Variants in TBC1D20 observed in about 807,000 individuals in gnomAD.
TBC1D20 encodes the protein TBC1 domain family member 20.
A neutral mutation model predicts 41.6 loss-of-function variants in TBC1D20; 12 were observed. The observed-to-expected ratio is 0.29, with a 90% confidence interval of 0.18 to 0.47. The LOEUF (loss-of-function observed/expected upper bound fraction) is 0.47. TBC1D20 is among the 20% of genes least tolerant of loss of function. TBC1D20 has a pLI of 1.00. For synonymous variants in TBC1D20, 205 were observed against 204.8 expected (o/e 1.00, Z -0.01); for missense variants, 421 against 517.4 (o/e 0.81, Z 1.81).
At position 461,931 on chromosome 20, in the gene TBC1D20, A is replaced by G. The variant is rs565865096; in HGVS notation, c.70+405T>C. Among the ~76,000 whole-genome samples the G allele has an allele frequency of 3.5e-3, 537 of 152,350 alleles. 1 individual carries two copies. Among genetic ancestry groups the G allele is most frequent in the African/African-American group, 0.012 (485 of 41,592 alleles). On this transcript the variant is annotated intron_variant, in intron 1 of 7. Transcript: ENST00000354200. ...CAATCAAGCCGGCGACGGTGAATGC[A>G]GTTCGGGAGAGCTGATACCCCTCGG...
chr20:458,938 C>T (rs1353744765), intron 1 of TBC1D20, among the ~76,000 whole-genome samples: 1 of 152,172 alleles, frequency 6.6e-6, no homozygotes, highest in African/African-American at 2.4e-5. Context: ...TCCTCAACCC[C>T]ACAGCCTAGT....
At position 437,623 on chromosome 20, in the gene TBC1D20, G is replaced by C. The variant is rs6052008; in HGVS notation, c.*963C>G. On this transcript the variant is annotated 3_prime_UTR_variant, in exon 8 of 8. Coordinates refer to ENST00000354200, the MANE Select transcript of TBC1D20 (RefSeq NM_144628.4). The stretch of plus-strand genomic sequence containing the variant: ...CCTATTTGGGAGTAGGATGATTTGA[G>C]GAAAACAGGAAGAAAAACCGGTCAG... 0.043 allele frequency: 6,625 copies of C among 152,856 alleles called. 153 individuals carry two copies. Among genetic ancestry groups the C allele is most frequent in the South Asian group, 0.07 (336 of 4,816 alleles). The allele number at this position is 152,856 out of a possible 1,614,324, so 9.5% of individuals were successfully genotyped here.
rs1293900796 is a variant in TBC1D20, at chr20:441,982, G to A, written c.399C>T (p.Ile133=). 3 of 1,613,990 alleles carry A rather than the reference G, an allele frequency of 1.9e-6. No individual in the cohort carries two copies. The highest frequency in any genetic ancestry group is 2.5e-6 in the Non-Finnish European group (3 of 1,180,028). The change falls in exon 4 of 8, where the codon ATC becomes ATT. Residue 133 remains isoleucine (I), a synonymous_variant. Coordinates refer to ENST00000354200, the MANE Select transcript of TBC1D20 (RefSeq NM_144628.4). ...AGTGCAGCTGAGGGTTGCGCTCCAAGATGAGGAGGATGATGTCAATCAGTT... is the reference window on the plus strand; with the variant it reads ...AGTGCAGCTGAGGGTTGCGCTCCAAAATGAGGAGGATGATGTCAATCAGTT... ...QEELIDIILL[I]LERNPQLHYY...
chr20:457,285 C>G (rs552446867), intron 1 of TBC1D20, among the ~76,000 whole-genome samples: 1 of 152,192 alleles, frequency 6.6e-6, no homozygotes, highest in Non-Finnish European at 1.5e-5. Flanking sequence ...CACTCTGTTG[C>G]CTTGGCTGGA....
rs1198052752 is a variant in TBC1D20, at chr20:453,539, C to CTTTTTTTTTTTTTTTT, written c.71-5466_71-5465insAAAAAAAAAAAAAAAA. Among the ~76,000 whole-genome samples the CTTTTTTTTTTTTTTTT allele has an allele frequency of 6.4e-5, 7 of 109,726 alleles. 3 individuals carry two copies. Among genetic ancestry groups the CTTTTTTTTTTTTTTTT allele is most frequent in the Non-Finnish European group, 8.6e-5 (5 of 58,062 alleles). The allele number at this position is 109,726 out of a possible 152,430, so 72.0% of individuals were successfully genotyped here. On this transcript the variant is annotated intron_variant, in intron 1 of 7. Coordinates refer to ENST00000354200, the MANE Select transcript of TBC1D20 (RefSeq NM_144628.4). The stretch of plus-strand genomic sequence containing the variant: ...ACGGTGGCTCGTGCCTGTAATCCAG[C>CTTTTTTTTTTTTTTTT]ATTTTTTTTTTTTTTTTTTTTTTTG...
At position 439,303 on chromosome 20, in the gene TBC1D20, G is replaced by A. The variant is rs753641235; in HGVS notation, c.769-8C>T. On this transcript the variant is annotated splice_polypyrimidine_tract_variant and splice_region_variant and intron_variant, in intron 6 of 7. Coordinates refer to ENST00000354200, the MANE Select transcript of TBC1D20 (RefSeq NM_144628.4). The surrounding 1 kb of genome is among the most constrained non-coding windows in gnomAD (Gnocchi z 4.6). ...CTCGCGATACAACACAATCTGTGGG[G>A]AGGTAGTAAAGCCTTGCAGTCAGAG... The A allele has an allele frequency of 6.3e-7, 1 of 1,599,468 alleles. No individual in the cohort carries two copies. The highest frequency in any genetic ancestry group is 8.5e-7 in the Non-Finnish European group (1 of 1,172,310).
chr20:446,742 C>A (rs1230967256), intron 2 of TBC1D20, among the ~76,000 whole-genome samples: 1 of 152,038 alleles, frequency 6.6e-6, no homozygotes, highest in African/African-American at 2.4e-5. Context: ...CTCAAGTAAT[C>A]CTGCCTCATC....
Position 456,285 on chromosome 20 carries a change from C to T in TBC1D20, c.70+6051G>A, listed in dbSNP as rs912447152. On this transcript the variant is annotated intron_variant, in intron 1 of 7. Transcript: ENST00000354200. ...TCTCCAATTTCTTCTGTCAGCATAA[C>T]ACCTAGTCAATTGTTCATGAGATGT... is the stretch of plus-strand genomic sequence containing the variant. 2.0e-5 allele frequency among the ~76,000 whole-genome samples: 3 copies of T among 152,208 alleles called. 1 individual carries two copies.
At chr20:461,035 G>C (rs1287424104) in intron 1 of TBC1D20, among the ~76,000 whole-genome samples, 1 of 152,092 alleles carries the variant, frequency 6.6e-6, no homozygotes, top group Non-Finnish European at 1.5e-5. Flanking sequence ...ATAAGAAAAA[G>C]GGAAAAACAG....
intron 4 of TBC1D20, 27 bp from the exon 5 acceptor site, chr20:441,716 G>T: frequency 6.2e-7 from 1 of 1,609,972 alleles, no homozygotes; most frequent in South Asian, 1.1e-5. Flanking sequence ...CAATAAGCCT[G>T]GTTACCAAAC....
At chr20:453,540 A>ATTTTTTTT (rs1157479385) in intron 1 of TBC1D20, among the ~76,000 whole-genome samples, 3 of 105,812 alleles carry the variant, frequency 2.8e-5, no homozygotes, top group African/African-American at 7.8e-5. Context: ...GTAATCCAGC[A>ATTTTTTTT]TTTTTTTTTT....
Position 438,520 on chromosome 20 carries a change from C to T in TBC1D20, c.*66G>A. On this transcript the variant is annotated 3_prime_UTR_variant, in exon 8 of 8. Transcript: ENST00000354200. Reference sequence around the variant, plus strand: ...CCCTTTTAATAAAGGAAATTCCACCCCTCCCAATCCTTCCATGGAAGGGTG... The same window carrying T: ...CCCTTTTAATAAAGGAAATTCCACCTCTCCCAATCCTTCCATGGAAGGGTG... 6.5e-7 allele frequency: 1 copy of T among 1,546,250 alleles called. No individual in the cohort carries two copies. The highest frequency in any genetic ancestry group is 8.8e-7 in the Non-Finnish European group (1 of 1,137,182).
chr20:452,845 C>T (rs1339784285), intron 1 of TBC1D20, among the ~76,000 whole-genome samples: 1 of 152,056 alleles, frequency 6.6e-6, no homozygotes, highest in Non-Finnish European at 1.5e-5. Flanking sequence ...GTCCTGGTGA[C>T]CTGTCTCTAA....
intron 1 of TBC1D20, 92 bp from the exon 2 acceptor site, chr20:448,166 GGTAA>G: frequency 1.2e-6 from 1 of 832,610 alleles, no homozygotes. Flanking sequence ...ATGAGGTACA[GGTAA>G]GTATCTCCTC....
intron 3 of TBC1D20, among the ~76,000 whole-genome samples, chr20:444,503 T>C (rs958411244): frequency 1.3e-5 from 2 of 152,248 alleles, no homozygotes; most frequent in East Asian, 1.9e-4. Flanking sequence ...ACGGTCCTTC[T>C]TTTCTTTCTT....
intron 5 of TBC1D20, chr20:440,715 C>T (rs1282956403): frequency 4.3e-6 from 1 of 230,222 alleles, no homozygotes; most frequent in Non-Finnish European, 8.5e-6. Flanking sequence ...TCTTACCCTT[C>T]TGGGGGGCAC....
chr20:447,826 TG>T, intron 2 of TBC1D20, 62 bp downstream of exon 2: 1 of 1,414,272 alleles, frequency 7.1e-7, no homozygotes, highest in Non-Finnish European at 9.5e-7. Flanking sequence ...TTAAAGATCC[TG>T]GAATTCTTTT....
intron 1 of TBC1D20, among the ~76,000 whole-genome samples, chr20:460,101 T>C (rs1170993243): frequency 6.6e-6 from 1 of 152,172 alleles, no homozygotes; most frequent in Non-Finnish European, 1.5e-5. Context: ...GCGTACAAAA[T>C]TCCATACTGA....
chr20:449,016 T>A (rs536011647), intron 1 of TBC1D20, among the ~76,000 whole-genome samples: 2 of 149,860 alleles, frequency 1.3e-5, no homozygotes, highest in South Asian at 4.3e-4. Flanking sequence ...CCAGCTATAT[T>A]TTTGTATTTT....
Sources: gnomAD v4.1 joint callset for allele counts (sites outside exome capture counted in the v4.1 genomes callset) on GRCh38, gnomAD v4.1.1 for gene constraint, Gnocchi (gnomAD v3.1) non-coding constraint, MANE v1.5 for transcripts, NCBI Gene and HGNC (gene_info 2026-07-23, HGNC 2026-07-21) for gene names.